FBXL5: variants seen among roughly 807,000 people sequenced by gnomAD.
The protein encoded by FBXL5 is F-box and leucine rich repeat protein 5.
A neutral mutation model predicts 78.3 loss-of-function variants in FBXL5; 26 were observed. The ratio of observed to expected loss-of-function variants is 0.33; its 90% CI spans 0.24 to 0.46. The LOEUF (loss-of-function observed/expected upper bound fraction) is 0.46. Ranked by LOEUF, FBXL5 falls within the 20% of genes least tolerant of loss-of-function variation. The probability of loss-of-function intolerance (pLI) is 1.00; values close to 1 mark genes in which losing one functional copy is unlikely to be tolerated. For missense variants in FBXL5, 710 were observed against 829.2 expected, an observed-to-expected ratio of 0.86 and a Z score of 1.77; for synonymous variants, 295 against 282.5, an observed-to-expected ratio of 1.04 and a Z score of -0.45.
intron 10 of FBXL5, among the ~76,000 whole-genome samples, chr4:15,606,358 A>G (rs1721886549): frequency 6.6e-6 from 1 of 152,150 alleles, no homozygotes; most frequent in Non-Finnish European, 1.5e-5. Context: ...ATTTTCCAAA[A>G]TTAAATATAT....
intron 2 of FBXL5, among the ~76,000 whole-genome samples, chr4:15,644,017 C>T (rs1195475457): frequency 6.6e-6 from 1 of 152,158 alleles, no homozygotes; most frequent in Non-Finnish European, 1.5e-5. Flanking sequence ...TGACCTTATA[C>T]TCTGTTCTTG....
intron 2 of FBXL5, among the ~76,000 whole-genome samples, chr4:15,641,924 G>A (rs1326132868): frequency 6.6e-6 from 1 of 151,942 alleles, no homozygotes; most frequent in African/African-American, 2.4e-5. Context: ...CTACTCGAGA[G>A]GCTGAGGCAC....
In FBXL5 at chr4:15,605,436, C is replaced by T; in HGVS notation, c.*287G>A. The T allele has an allele frequency of 3.4e-6, 1 of 294,444 alleles. No homozygotes were observed. The highest frequency in any genetic ancestry group is 4.5e-5 in the South Asian group (1 of 22,208). 18.2% of individuals were successfully genotyped at this position (294,444 alleles called of 1,614,324 possible). A position where few individuals can be genotyped will look rare whatever the true frequency, so the allele number is the denominator to read the frequency against. On this transcript the variant is annotated 3_prime_UTR_variant, in exon 11 of 11. Transcript: ENST00000341285. Reference sequence around the variant, plus strand: ...ATTATCTATGAAATACTTTAAATGACATGGCATTACCAACATTCTTTAAAG... The same window carrying T: ...ATTATCTATGAAATACTTTAAATGATATGGCATTACCAACATTCTTTAAAG...
At chr4:15,633,919 A>T (rs1188063483) in intron 5 of FBXL5, among the ~76,000 whole-genome samples, 2 of 152,092 alleles carry the variant, frequency 1.3e-5, no homozygotes, top group African/African-American at 4.8e-5. Flanking sequence ...TGAACTCTTA[A>T]CATTACATCT....
At chr4:15,679,210 G>A (rs1718107646) in intron 1 of FBXL5, among the ~76,000 whole-genome samples, 1 of 151,746 alleles carries the variant, frequency 6.6e-6, no homozygotes. Context: ...TTATAGGCAC[G>A]TGCCACCACA....
At chr4:15,608,356 G>A (rs537665546) in intron 10 of FBXL5, among the ~76,000 whole-genome samples, 2 of 152,172 alleles carry the variant, frequency 1.3e-5, no homozygotes, top group African/African-American at 4.8e-5. Context: ...CTCCCCAAAA[G>A]ATGTAGGGTC....
chr4:15,657,349 AG>A (rs1717042827), upstream of FBXL5, among the ~76,000 whole-genome samples: 2 of 152,250 alleles, frequency 1.3e-5, no homozygotes, highest in Non-Finnish European at 2.9e-5. Context: ...GTTGGAAAAA[AG>A]AATGAGGGTA....
intron 1 of FBXL5, among the ~76,000 whole-genome samples, chr4:15,646,401 G>T (rs1217318903): frequency 6.9e-6 from 1 of 145,186 alleles, no homozygotes; most frequent in Admixed American, 6.9e-5. Flanking sequence ...TGCCCCACAA[G>T]ATTACAATAA....
intron 5 of FBXL5, among the ~76,000 whole-genome samples, chr4:15,631,415 T>A (rs1424926009): frequency 6.6e-6 from 1 of 152,240 alleles, no homozygotes; most frequent in Non-Finnish European, 1.5e-5. Context: ...TAATTTATAA[T>A]CCTTTGGGTA....
At chr4:15,626,411 A>C (rs1713066352) in intron 8 of FBXL5, among the ~76,000 whole-genome samples, 1 of 152,208 alleles carries the variant, frequency 6.6e-6, no homozygotes. Context: ...AGGTGCTGAT[A>C]TAAATAGTTG....
chr4:15,612,257 A>G lies in FBXL5; in HGVS notation c.1999+9T>C. The G allele has an allele frequency of 6.4e-7, 1 of 1,558,126 alleles. No homozygotes were observed. The highest frequency in any genetic ancestry group is 8.6e-7 in the Non-Finnish European group (1 of 1,163,494). Reference sequence around the variant, plus strand: ...CCTTCAAAATTATCGCACTGTTAAAAGGCATTACCGTTAATGTTGTCACAG... The same window carrying G: ...CCTTCAAAATTATCGCACTGTTAAAGGGCATTACCGTTAATGTTGTCACAG... On this transcript the variant is annotated intron_variant, in intron 10 of 10. Transcript: ENST00000341285.
chr4:15,651,199 G>A (rs1295380044), intron 1 of FBXL5, among the ~76,000 whole-genome samples: 2 of 152,042 alleles, frequency 1.3e-5, no homozygotes, highest in Non-Finnish European at 2.9e-5. Context: ...ATTTACAGAT[G>A]GAAAAAATGA....
chr4:15,678,806 T>G (rs1455104212), intron 1 of FBXL5, among the ~76,000 whole-genome samples: 1 of 152,222 alleles, frequency 6.6e-6, no homozygotes, highest in Non-Finnish European at 1.5e-5. Context: ...TCTTCATTTT[T>G]CTCATTATCT....
At chr4:15,658,609 CAG>C (rs1421280920), upstream of FBXL5, among the ~76,000 whole-genome samples, 3 of 152,208 alleles carry the variant, frequency 2.0e-5, no homozygotes, top group African/African-American at 2.4e-5. Flanking sequence ...TGGGACTCTG[CAG>C]AGTCGCCACC....
At chr4:15,659,112 G>A (rs1323406869), upstream of FBXL5, among the ~76,000 whole-genome samples, 1 of 152,022 alleles carries the variant, frequency 6.6e-6, no homozygotes, top group Non-Finnish European at 1.5e-5. Context: ...CAAAAAATCA[G>A]AAGAATGTCA....
intron 1 of FBXL5, among the ~76,000 whole-genome samples, chr4:15,675,638 A>G (rs1202945763): frequency 7.1e-6 from 1 of 140,474 alleles, no homozygotes; most frequent in South Asian, 2.2e-4. Flanking sequence ...TTGCAGTGCA[A>G]TGGCGCCATC....
At chr4:15,641,801 C>T (rs1385864432) in intron 2 of FBXL5, among the ~76,000 whole-genome samples, 2 of 152,010 alleles carry the variant, frequency 1.3e-5, no homozygotes, top group African/African-American at 2.4e-5. Flanking sequence ...CAGAGGCAGG[C>T]GGATCACCTG....
exon 1 of FBXL5, chr4:15,681,489 C>A: frequency 6.1e-6 from 1 of 164,404 alleles, no homozygotes; most frequent in Non-Finnish European, 1.5e-5. Context: ...CCGGACTAGC[C>A]CTGTCCGCGC....
chr4:15,606,472 A>G (rs1721894446), intron 10 of FBXL5, among the ~76,000 whole-genome samples: 1 of 152,182 alleles, frequency 6.6e-6, no homozygotes, highest in African/African-American at 2.4e-5. Flanking sequence ...CAGTCACACT[A>G]TGCTACCCAG....
Sources: gnomAD v4.1 joint callset for allele counts (sites outside exome capture counted in the v4.1 genomes callset) on GRCh38, gnomAD v4.1.1 for gene constraint, MANE v1.5 for transcripts, NCBI Gene and HGNC (gene_info 2026-07-23, HGNC 2026-07-21) for gene names.